The following PLXDC2 variants were observed in gnomAD, a reference collection of about 807,000 sequenced individuals.
PLXDC2 encodes plexin domain-containing protein 2.
A neutral mutation model predicts 68.9 loss-of-function variants in PLXDC2; 40 were observed. The observed-to-expected ratio is 0.58, with a 90% CI of 0.45 to 0.76. PLXDC2 has a LOEUF of 0.76. Among genes scored for constraint, PLXDC2 ranks in the 30% least tolerant of loss-of-function variants. PLXDC2 has a pLI of 0.00. For synonymous variants in PLXDC2, 243 were observed against 234.2 expected (o/e 1.04, Z -0.34); for missense variants, 644 against 661.9 (o/e 0.97, Z 0.30).
At chr10:20,276,018 G>A (rs888709199) in intron 13 of PLXDC2, among the ~76,000 whole-genome samples, 2 of 151,958 alleles carry the variant, frequency 1.3e-5, no homozygotes, top group African/African-American at 2.4e-5. Context: ...GTAACAAGAC[G>A]TGACTTTCCC....
At chr10:20,238,696 C>CACACATATAAGTGTATATATAT in intron 12 of PLXDC2, among the ~76,000 whole-genome samples, 1 of 113,278 alleles carries the variant, frequency 8.8e-6, no homozygotes, top group African/African-American at 3.5e-5. Flanking sequence ...TATATATACA[C>CACACATATAAGTGTATATATAT]ACATATATAT....
At chr10:20,250,779 G>A (rs1449639986) in intron 13 of PLXDC2, among the ~76,000 whole-genome samples, 1 of 152,076 alleles carries the variant, frequency 6.6e-6, no homozygotes, top group Admixed American at 6.6e-5. Context: ...AGAAATGAAT[G>A]GTATAAAAGA....
chr10:20,219,140 A>G lies in PLXDC2; in HGVS notation c.1312+38A>G, dbSNP rs76123667. 2.4e-4 allele frequency: 375 copies of G among 1,569,942 alleles called. No individual in the cohort carries two copies. The African/African-American group carries it at 4.7e-3, about 20-fold the overall frequency. ...ACTTTTCTTTCATAAACATCTTTTA[A>G]ATATGAATTCATTTCATTTATTTTA... On this transcript the variant is annotated intron_variant, in intron 12 of 13. Coordinates refer to ENST00000377252, the MANE Select transcript of PLXDC2 (RefSeq NM_032812.9).
intron 1 of PLXDC2, among the ~76,000 whole-genome samples, chr10:19,956,421 TA>T (rs1834070479): frequency 6.6e-6 from 1 of 152,206 alleles, no homozygotes; most frequent in South Asian, 2.1e-4. Flanking sequence ...ATTTTACCTT[TA>T]AATTTACCTT....
chr10:20,019,007 T>A (rs2131654435), intron 2 of PLXDC2, among the ~76,000 whole-genome samples: 1 of 152,324 alleles, frequency 6.6e-6, no homozygotes, highest in East Asian at 1.9e-4. Context: ...TGGCTGGACA[T>A]GGCAGCTCAT....
intron 13 of PLXDC2, among the ~76,000 whole-genome samples, chr10:20,279,211 C>G (rs899432450): frequency 2.0e-5 from 3 of 151,976 alleles, no homozygotes; most frequent in Admixed American, 1.3e-4. Flanking sequence ...AGCTTATTTG[C>G]TAGGAAGTCT....
chr10:19,875,918 T>C (rs1279309566), intron 1 of PLXDC2, among the ~76,000 whole-genome samples: 1 of 152,174 alleles, frequency 6.6e-6, no homozygotes, highest in Non-Finnish European at 1.5e-5. Context: ...ATTTTTTTGA[T>C]GTGTGCAAAA....
At chr10:19,934,252 C>T (rs878913961) in intron 1 of PLXDC2, among the ~76,000 whole-genome samples, 1 of 152,308 alleles carries the variant, frequency 6.6e-6, no homozygotes, top group East Asian at 1.9e-4. Flanking sequence ...AAATTGCAAT[C>T]TTCCATAATG....
intron 1 of PLXDC2, among the ~76,000 whole-genome samples, chr10:19,887,777 G>A (rs146842254): frequency 2.6e-4 from 40 of 152,248 alleles, no homozygotes; most frequent in Non-Finnish European, 4.9e-4. Context: ...GTGTAAAAGT[G>A]CTAAAACTTA....
At chr10:19,862,178 C>T (rs182985076) in intron 1 of PLXDC2, among the ~76,000 whole-genome samples, 35 of 152,144 alleles carry the variant, frequency 2.3e-4, no homozygotes, top group East Asian at 1.2e-3. Flanking sequence ...ATGCATAACC[C>T]GCCAAAATTA....
intron 9 of PLXDC2, among the ~76,000 whole-genome samples, chr10:20,206,180 C>CA (rs113134408): frequency 1.5e-4 from 23 of 149,810 alleles, no homozygotes; most frequent in African/African-American, 3.4e-4. Flanking sequence ...TACAATCATT[C>CA]AAAAAAAAAG....
At chr10:20,254,023 A>G (rs1835711691) in intron 13 of PLXDC2, among the ~76,000 whole-genome samples, 1 of 152,146 alleles carries the variant, frequency 6.6e-6, no homozygotes, top group Non-Finnish European at 1.5e-5. Context: ...TGGTGAAACA[A>G]TTTGTTTGGA....
chr10:19,927,768 T>C (rs1377803301), intron 1 of PLXDC2, among the ~76,000 whole-genome samples: 2 of 139,912 alleles, frequency 1.4e-5, no homozygotes, highest in Non-Finnish European at 3.1e-5. Context: ...TATAATATCC[T>C]CCTTGAAAAA....
At chr10:20,070,157 G>A (rs1836291238) in intron 4 of PLXDC2, among the ~76,000 whole-genome samples, 1 of 152,140 alleles carries the variant, frequency 6.6e-6, no homozygotes, top group South Asian at 2.1e-4. Context: ...TGGAAAAGTA[G>A]GTTGGGACAA....
At chr10:19,849,694 A>AT (rs2131325090) in intron 1 of PLXDC2, among the ~76,000 whole-genome samples, 1 of 152,268 alleles carries the variant, frequency 6.6e-6, no homozygotes, top group Non-Finnish European at 1.5e-5. Flanking sequence ...CCATGAGTCA[A>AT]TTAAACCTCT....
At chr10:20,245,635 A>G (rs1380490656) in intron 13 of PLXDC2, 130 bp downstream of exon 13, 1 of 1,049,222 alleles carries the variant, frequency 9.5e-7, no homozygotes, top group Non-Finnish European at 1.4e-6. Flanking sequence ...GATTTCACAC[A>G]CATGGATGTT....
chr10:20,176,960 G>A (rs1450771373), intron 7 of PLXDC2, 39 bp from the exon 8 acceptor site: 1 of 1,430,328 alleles, frequency 7.0e-7, no homozygotes, highest in South Asian at 1.2e-5. Flanking sequence ...TGTAAGCGAG[G>A]AAAGGTTAAA....
At chr10:20,204,585 C>T (rs1326227119) in intron 9 of PLXDC2, among the ~76,000 whole-genome samples, 1 of 152,016 alleles carries the variant, frequency 6.6e-6, no homozygotes, top group Non-Finnish European at 1.5e-5. Flanking sequence ...CCAGATAATT[C>T]GATGTAATAT....
At chr10:20,145,867 T>C (rs984632132) in intron 5 of PLXDC2, among the ~76,000 whole-genome samples, 1 of 152,174 alleles carries the variant, frequency 6.6e-6, no homozygotes, top group Non-Finnish European at 1.5e-5. Flanking sequence ...GTGTGGTTTT[T>C]AACAACCTGC....
Sources: allele counts gnomAD v4.1 joint callset (sites outside exome capture counted in the v4.1 genomes callset), GRCh38; gene constraint gnomAD v4.1.1; transcripts MANE v1.5; gene names NCBI Gene and HGNC (gene_info 2026-07-23, HGNC 2026-07-21).